Variants in P3H2 observed in about 807,000 individuals in gnomAD.
P3H2 encodes the protein prolyl 3-hydroxylase 2.
P3H2 carries 80 observed loss-of-function variants against 87.0 expected under a neutral mutation model. The ratio of observed to expected loss-of-function variants is 0.92; its 90% CI spans 0.77 to 1.11. The LOEUF (loss-of-function observed/expected upper bound fraction) is 1.11. Among genes scored for constraint, P3H2 ranks in the 50% least tolerant of loss-of-function variants. The pLI, the probability that P3H2 is intolerant of heterozygous loss-of-function variation, is 0.00. For synonymous variants in P3H2, 367 were observed against 359.3 expected (o/e 1.02, Z -0.24); for missense variants, 1,001 against 923.9 (o/e 1.08, Z -1.08).
At chr3:190,065,692 T>G (rs542070906) in intron 1 of P3H2, among the ~76,000 whole-genome samples, 2 of 152,138 alleles carry the variant, frequency 1.3e-5, no homozygotes, top group Non-Finnish European at 2.9e-5. Flanking sequence ...CTACACGTAT[T>G]TGGTCATCAT....
chr3:190,068,603 T>C (rs1726591851), intron 1 of P3H2, among the ~76,000 whole-genome samples: 1 of 152,208 alleles, frequency 6.6e-6, no homozygotes, highest in South Asian at 2.1e-4. Context: ...AGAGTAAATC[T>C]ATGTAGGAGA....
intron 1 of P3H2, among the ~76,000 whole-genome samples, chr3:190,032,606 T>G (rs1432064157): frequency 6.6e-6 from 1 of 152,176 alleles, no homozygotes; most frequent in African/African-American, 2.4e-5. Flanking sequence ...ATGAGAACAT[T>G]TATGGGTACA....
At chr3:190,116,957 C>A (rs1712312249) in intron 1 of P3H2, among the ~76,000 whole-genome samples, 1 of 152,058 alleles carries the variant, frequency 6.6e-6, no homozygotes, top group Non-Finnish European at 1.5e-5. Flanking sequence ...TATCTGTTAC[C>A]CTGCAAGACA....
chr3:190,099,029 CT>C (rs574759659), intron 1 of P3H2, among the ~76,000 whole-genome samples: 28 of 151,504 alleles, frequency 1.8e-4, no homozygotes, highest in African/African-American at 6.5e-4. Flanking sequence ...TATAGCTGTG[CT>C]TTTTTTTAAG....
At chr3:190,086,380 G>C (rs1356242742) in intron 1 of P3H2, among the ~76,000 whole-genome samples, 1 of 152,158 alleles carries the variant, frequency 6.6e-6, no homozygotes. Context: ...TGAGGTGTCT[G>C]CTTCTCTGAG....
chr3:190,016,943 A>C (rs1035136463), intron 1 of P3H2, among the ~76,000 whole-genome samples: 5 of 152,228 alleles, frequency 3.3e-5, no homozygotes, highest in Non-Finnish European at 7.3e-5. Context: ...GGTCACAGCC[A>C]TTCCAGATAG....
intron 13 of P3H2, 172 bp from the exon 14 acceptor site, chr3:189,964,270 G>C (rs1722907391): frequency 1.4e-6 from 1 of 691,176 alleles, no homozygotes; most frequent in South Asian, 1.7e-5. Context: ...GTAAAACAAA[G>C]GTAAGGTCAA....
intron 8 of P3H2, among the ~76,000 whole-genome samples, chr3:189,982,659 C>T (rs928344908): frequency 2.6e-5 from 4 of 152,090 alleles, no homozygotes; most frequent in African/African-American, 9.7e-5. Context: ...TGTGGCTGGT[C>T]TCCTCTCCAA....
Position 190,047,186 on chromosome 3 carries a change from C to T in P3H2, c.481-51744G>A, listed in dbSNP as rs542125184. ...ATCAGAGAAATGCAAATCAAAACCA[C>T]AGTGAGATATCATCTCACCCCAGTT... On this transcript the variant is annotated intron_variant, in intron 1 of 14. Transcript: ENST00000319332. Among the ~76,000 whole-genome samples, 11 of 152,296 alleles carry T rather than the reference C, an allele frequency of 7.2e-5. No homozygotes were observed. In the South Asian group the frequency reaches 2.3e-3, roughly 32 times the overall value.
At position 190,011,694 on chromosome 3, in the gene P3H2, T is replaced by C. The variant is rs1179204380; in HGVS notation, c.481-16252A>G. On this transcript the variant is annotated intron_variant, in intron 1 of 14. Transcript: ENST00000319332. Reference sequence around the variant, plus strand: ...TTTTAAGACTCCAGATAAACTATGGTCTGATTAAATTAAAAGCAAAATTTC... The same window carrying C: ...TTTTAAGACTCCAGATAAACTATGGCCTGATTAAATTAAAAGCAAAATTTC... Among the ~76,000 whole-genome samples the C allele has an allele frequency of 3.3e-5, 5 of 152,174 alleles. No homozygotes were observed. In the East Asian group the frequency reaches 9.6e-4, roughly 29 times the overall value.
At position 189,973,507 on chromosome 3, in the gene P3H2, C is replaced by CTTTTTTTTTTTTTTTTTTTT. The variant is rs879286759; in HGVS notation, c.1548+401_1548+402insAAAAAAAAAAAAAAAAAAAA. Among the ~76,000 whole-genome samples, 26 of 78,986 alleles carry CTTTTTTTTTTTTTTTTTTTT rather than the reference C, an allele frequency of 3.3e-4. 1 individual carries two copies. Among genetic ancestry groups the CTTTTTTTTTTTTTTTTTTTT allele is most frequent in the African/African-American group, 1.0e-3 (22 of 21,290 alleles). The allele number at this position is 78,986 out of a possible 152,430, so 51.8% of individuals were successfully genotyped here. On this transcript the variant is annotated intron_variant, in intron 10 of 14. Transcript: ENST00000319332. Reference sequence around the variant, plus strand: ...TCAAAACTTTTTTCTTTCTTTCTTTCTTTCTTTTTTTTTTTTTTTTTTTTT... The same window carrying CTTTTTTTTTTTTTTTTTTTT: ...TCAAAACTTTTTTCTTTCTTTCTTTCTTTTTTTTTTTTTTTTTTTTTTTCTTTTTTTTTTTTTTTTTTTTT...
intron 8 of P3H2, among the ~76,000 whole-genome samples, chr3:189,975,635 C>G (rs1235263378): frequency 6.6e-6 from 1 of 152,114 alleles, no homozygotes; most frequent in Non-Finnish European, 1.5e-5. Context: ...TCCCTGCCAC[C>G]CCAGGTCTAG....
intron 13 of P3H2, chr3:189,969,341 G>A (rs1723101335): frequency 1.9e-5 from 16 of 858,492 alleles, no homozygotes; most frequent in South Asian, 1.6e-4. Context: ...GAGATAAAAC[G>A]AGGTCCCTCA....
At chr3:190,005,517 C>T (rs76832823) in intron 1 of P3H2, among the ~76,000 whole-genome samples, 3,118 of 152,312 alleles carry the variant, frequency 0.02, 116 homozygotes, top group African/African-American at 0.071. Flanking sequence ...CATGCTTGGT[C>T]TCCCTTCCAT....
chr3:189,994,025 G>GT (rs1253265647), intron 3 of P3H2, 69 bp downstream of exon 3: 22 of 1,236,162 alleles, frequency 1.8e-5, no homozygotes, highest in Non-Finnish European at 2.6e-5. Flanking sequence ...TGCTGGAATA[G>GT]TTTTTTACAA....
chr3:190,057,715 C>T (rs1019158570), intron 1 of P3H2, among the ~76,000 whole-genome samples: 1 of 152,148 alleles, frequency 6.6e-6, no homozygotes, highest in Non-Finnish European at 1.5e-5. Flanking sequence ...TTTTAGACAG[C>T]TTTATATTCA....
rs543926097 is a variant in P3H2, at chr3:190,104,945, G to A, written c.480+15307C>T. Reference sequence around the variant, plus strand: ...TTTGCATTATGTAACTATTTATAGGGAGTAGGCTGGCAACCATGGCCTAAA... The same window carrying A: ...TTTGCATTATGTAACTATTTATAGGAAGTAGGCTGGCAACCATGGCCTAAA... On this transcript the variant is annotated intron_variant, in intron 1 of 14. Coordinates refer to ENST00000319332, the MANE Select transcript of P3H2 (RefSeq NM_018192.4). Among the ~76,000 whole-genome samples the A allele has an allele frequency of 9.9e-5, 15 of 152,252 alleles. No homozygotes were observed. The South Asian group carries it at 2.9e-3, about 29-fold the overall frequency.
chr3:190,012,207 GGT>G (rs3062120), intron 1 of P3H2, among the ~76,000 whole-genome samples: 6,052 of 145,620 alleles, frequency 0.042, 211 homozygotes, highest in African/African-American at 0.094. Context: ...TGTAGGTAAA[GGT>G]GTGTGTGTGT....
At position 189,994,329 on chromosome 3, in the gene P3H2, C is replaced by CAA; in HGVS notation, c.634-48_634-47dup. 5 of 1,509,692 alleles carry CAA rather than the reference C, an allele frequency of 3.3e-6. No homozygotes were observed. The African/African-American group carries it at 6.9e-5, about 21-fold the overall frequency. The allele number at this position is 1,509,692 out of a possible 1,614,324, so 93.5% of individuals were successfully genotyped here. A position where few individuals can be genotyped will look rare whatever the true frequency, so the allele number is the denominator to read the frequency against. Reference sequence around the variant, plus strand: ...AAAAACAAACAAACAAACAAACAAACAAACAAAAAAACCCTTATTTTCAAA... The same window carrying CAA: ...AAAAACAAACAAACAAACAAACAAACAAAAACAAAAAAACCCTTATTTTCAAA... On this transcript the variant is annotated intron_variant, in intron 2 of 14. Coordinates refer to ENST00000319332, the MANE Select transcript of P3H2 (RefSeq NM_018192.4).
Sources: gnomAD v4.1 joint callset for allele counts (sites outside exome capture counted in the v4.1 genomes callset) on GRCh38, gnomAD v4.1.1 for gene constraint, MANE v1.5 for transcripts, NCBI Gene and HGNC (gene_info 2026-07-23, HGNC 2026-07-21) for gene names.